ATP6V1H: variants seen among roughly 807,000 people sequenced by gnomAD.
ATP6V1H encodes the protein ATPase H+ transporting V1 subunit H.
Under a neutral mutation model 71.7 loss-of-function variants are expected in ATP6V1H, and 39 were observed. That is an observed-to-expected ratio of 0.54 (90% confidence interval 0.42 to 0.71). The LOEUF (loss-of-function observed/expected upper bound fraction) is 0.71, where lower values mean the gene tolerates loss of function less well. Ranked by LOEUF, ATP6V1H falls within the 30% of genes least tolerant of loss-of-function variation. ATP6V1H has a pLI of 0.00. For synonymous variants in ATP6V1H, 192 were observed against 199.3 expected (o/e 0.96, Z 0.31); for missense variants, 509 against 594.9 (o/e 0.86, Z 1.50).
intron 9 of ATP6V1H, among the ~76,000 whole-genome samples, chr8:53,779,029 A>G (rs907600634): frequency 3.9e-5 from 6 of 152,248 alleles, no homozygotes. Flanking sequence ...TTTTAATTAC[A>G]GAGCTTCAAA....
intron 3 of ATP6V1H, chr8:53,832,205 T>C (rs2130526857): frequency 6.6e-6 from 1 of 152,292 alleles, no homozygotes; most frequent in East Asian, 1.9e-4. Context: ...TTTGTAGAAA[T>C]AAGTGTATAA....
At chr8:53,785,878 T>C (rs1199047826) in intron 9 of ATP6V1H, among the ~76,000 whole-genome samples, 4 of 152,224 alleles carry the variant, frequency 2.6e-5, no homozygotes, top group Non-Finnish European at 5.9e-5. Context: ...CAAATGCTGC[T>C]GCTTGATCGT....
chr8:53,759,034 C>A (rs1035486668), intron 11 of ATP6V1H, among the ~76,000 whole-genome samples: 1 of 152,246 alleles, frequency 6.6e-6, no homozygotes, highest in African/African-American at 2.4e-5. Context: ...ACACCAGCAG[C>A]ATGGGCATCA....
At position 53,756,619 on chromosome 8, in the gene ATP6V1H, G is replaced by C; in HGVS notation, c.1213C>G (p.Gln405Glu). The change falls in exon 12 of 14, where the codon CAA becomes GAA. Residue 405 changes from glutamine (Q) to glutamate (E), a missense_variant. Gln to Glu is a conservative substitution (Grantham distance 29). Transcript: ENST00000359530. ...TCGTGAGCAGCAACAGCTAAGACTT[G>C]GGGATCATCTGACACTTCCAAAAGT... ...TKLLEVSDDP[Q>E]VLAVAAHDVG... 1 of 1,614,002 alleles carries C rather than the reference G, an allele frequency of 6.2e-7. No individual in the cohort carries two copies. The highest frequency in any genetic ancestry group is 2.2e-5 in the East Asian group (1 of 44,884).
In ATP6V1H at chr8:53,739,628, T is replaced by A. The variant is rs550381036; in HGVS notation, c.1391+3949A>T. On this transcript the variant is annotated intron_variant, in intron 13 of 13. Coordinates refer to ENST00000359530, the MANE Select transcript of ATP6V1H (RefSeq NM_015941.4). Reference sequence around the variant, plus strand: ...CGTTGCTTCTGCATTAGAGGCTGATTACATTTAAAATCATTCTGTAGGAGA... The same window carrying A: ...CGTTGCTTCTGCATTAGAGGCTGATAACATTTAAAATCATTCTGTAGGAGA... 8 of 152,362 alleles carry A rather than the reference T, an allele frequency of 5.3e-5. No homozygotes were observed. In the East Asian group the frequency reaches 1.5e-3, roughly 29 times the overall value. 9.4% of individuals were successfully genotyped at this position (152,362 alleles called of 1,614,324 possible). A position where few individuals can be genotyped will look rare whatever the true frequency, so the allele number is the denominator to read the frequency against.
At chr8:53,785,853 G>A (rs563597017) in intron 9 of ATP6V1H, among the ~76,000 whole-genome samples, 112 of 152,270 alleles carry the variant, frequency 7.4e-4, no homozygotes, top group Admixed American at 1.4e-3. Flanking sequence ...CAGAACAGCG[G>A]ATATTCGTGA....
chr8:53,762,233 A>G (rs1364265218), intron 11 of ATP6V1H, among the ~76,000 whole-genome samples: 1 of 151,994 alleles, frequency 6.6e-6, no homozygotes, highest in East Asian at 1.9e-4. Flanking sequence ...AGAAGGTGAA[A>G]AACTGTAATA....
intron 13 of ATP6V1H, among the ~76,000 whole-genome samples, chr8:53,724,650 T>G (rs948145892): frequency 1.1e-4 from 16 of 139,262 alleles, no homozygotes; most frequent in African/African-American, 3.5e-4. Context: ...GGGACGGCAG[T>G]GCGCTGAGCT....
At chr8:53,794,718 T>A (rs1809675580) in intron 9 of ATP6V1H, among the ~76,000 whole-genome samples, 1 of 152,166 alleles carries the variant, frequency 6.6e-6, no homozygotes, top group South Asian at 2.1e-4. Flanking sequence ...ACAAAAATGG[T>A]TAAAAGCACA....
rs772420754 is a variant in ATP6V1H, at chr8:53,839,631, T to C, written c.113+1947A>G. ...TTATCACCTACAAACTCACCCTTCATGCTGCTAGTAGAACAATTCAATCAA... is the reference window on the plus strand; with the variant it reads ...TTATCACCTACAAACTCACCCTTCACGCTGCTAGTAGAACAATTCAATCAA... On this transcript the variant is annotated intron_variant, in intron 2 of 13. Coordinates refer to ENST00000359530, the MANE Select transcript of ATP6V1H (RefSeq NM_015941.4). 6.1e-6 allele frequency: 6 copies of C among 985,456 alleles called. No individual in the cohort carries two copies. In the East Asian group the frequency reaches 5.7e-4, roughly 93 times the overall value. 61.0% of individuals were successfully genotyped at this position (985,456 alleles called of 1,614,324 possible). A position where few individuals can be genotyped will look rare whatever the true frequency, so the allele number is the denominator to read the frequency against.
At chr8:53,799,040 T>C (rs1456264461) in intron 8 of ATP6V1H, among the ~76,000 whole-genome samples, 3 of 152,184 alleles carry the variant, frequency 2.0e-5, no homozygotes, top group Non-Finnish European at 2.9e-5. Flanking sequence ...TTTGTAGAGA[T>C]TGCTATTTCA....
chr8:53,769,523 C>T (rs1808581671), intron 11 of ATP6V1H, 95 bp downstream of exon 11: 1 of 1,259,232 alleles, frequency 7.9e-7, no homozygotes, highest in African/African-American at 1.5e-5. Flanking sequence ...AAATTAAAAC[C>T]ATAGAATATC....
chr8:53,801,258 G>T (rs186303060), intron 8 of ATP6V1H, among the ~76,000 whole-genome samples: 1 of 152,328 alleles, frequency 6.6e-6, no homozygotes, highest in East Asian at 1.9e-4. Flanking sequence ...TAAATGAAAA[G>T]AATATTTGGT....
chr8:53,753,545 G>A (rs1807877071), intron 12 of ATP6V1H, among the ~76,000 whole-genome samples: 1 of 152,224 alleles, frequency 6.6e-6, no homozygotes. Flanking sequence ...ACCAGCTGAG[G>A]CAGTGCTGTG....
chr8:53,819,843 T>TAC (rs1810592312), intron 4 of ATP6V1H, among the ~76,000 whole-genome samples: 1 of 147,334 alleles, frequency 6.8e-6, no homozygotes, highest in Admixed American at 6.8e-5. Flanking sequence ...CACACACACA[T>TAC]ACATACATAC....
At chr8:53,799,068 T>C (rs1451140305) in intron 8 of ATP6V1H, among the ~76,000 whole-genome samples, 1 of 152,148 alleles carries the variant, frequency 6.6e-6, no homozygotes, top group African/African-American at 2.4e-5. Context: ...GATTCTTTCT[T>C]ACAGGTCCTC....
chr8:53,743,896 C>T (rs1395602159), intron 12 of ATP6V1H, among the ~76,000 whole-genome samples: 1 of 152,074 alleles, frequency 6.6e-6, no homozygotes, highest in Non-Finnish European at 1.5e-5. Context: ...AATGATAAAT[C>T]CAACAGTTGT....
At chr8:53,744,937 CA>C (rs1807547502) in intron 12 of ATP6V1H, among the ~76,000 whole-genome samples, 2 of 152,274 alleles carry the variant, frequency 1.3e-5, no homozygotes, top group Admixed American at 6.5e-5. Context: ...GATTAAAGGA[CA>C]TAAAGCCTAT....
intron 12 of ATP6V1H, among the ~76,000 whole-genome samples, chr8:53,755,711 TATATATATATATATATATATATATA>T (rs1808006321): frequency 2.0e-4 from 1 of 5,106 alleles, no homozygotes; most frequent in African/African-American, 9.7e-4. Context: ...TATATATATA[TATATATATATATATATATATATATA>T]TATATATATT....
Sources: allele counts gnomAD v4.1 joint callset (sites outside exome capture counted in the v4.1 genomes callset), GRCh38; gene constraint gnomAD v4.1.1; transcripts MANE v1.5; gene names NCBI Gene and HGNC (gene_info 2026-07-23, HGNC 2026-07-21).